Variants in SLC27A6 observed in about 807,000 individuals in gnomAD.
SLC27A6 encodes the protein long-chain fatty acid transport protein 6.
In SLC27A6, 74 loss-of-function variants were observed where a neutral mutation model predicts 63.9. The ratio of observed to expected loss-of-function variants is 1.16; its 90% CI spans 0.96 to 1.40. The LOEUF is 1.40. Among genes scored for constraint, SLC27A6 ranks in the 40% most tolerant of loss-of-function variants. SLC27A6 has a pLI of 0.00. For synonymous variants in SLC27A6, 287 were observed against 260.8 expected (o/e 1.10, Z -0.97); for missense variants, 794 against 732.9 (o/e 1.08, Z -0.96).
At chr5:129,017,711 A>G (rs2150150827) in intron 5 of SLC27A6, among the ~76,000 whole-genome samples, 1 of 152,306 alleles carries the variant, frequency 6.6e-6, no homozygotes, top group South Asian at 2.1e-4. Context: ...AAAAGAGGAT[A>G]TGTTGAATAA....
chr5:129,025,721 T>TATGATGATG (rs562276860), intron 6 of SLC27A6, among the ~76,000 whole-genome samples: 1 of 151,720 alleles, frequency 6.6e-6, no homozygotes, highest in African/African-American at 2.4e-5. Context: ...ATGGTGATGA[T>TATGATGATG]ATGATGATGA....
intron 1 of SLC27A6, among the ~76,000 whole-genome samples, chr5:128,984,240 A>G (rs1018745321): frequency 9.8e-5 from 15 of 152,316 alleles, no homozygotes; most frequent in Admixed American, 5.2e-4. Context: ...AAAAGACTGT[A>G]TAGGAATGAT....
intron 1 of SLC27A6, among the ~76,000 whole-genome samples, chr5:128,983,852 G>C (rs1256089965): frequency 6.6e-6 from 1 of 152,118 alleles, no homozygotes; most frequent in Admixed American, 6.5e-5. Flanking sequence ...TGTCAGCAGA[G>C]CCATGCTCCC....
At position 129,015,973 on chromosome 5, in the gene SLC27A6, G is replaced by A; in HGVS notation, c.1058G>A (p.Gly353Glu). 1 of 1,609,944 alleles carries A rather than the reference G, an allele frequency of 6.2e-7. No homozygotes were observed. The highest frequency in any genetic ancestry group is 8.5e-7 in the Non-Finnish European group (1 of 1,178,410). ...TGGAGAGAATTTTTAGACAGATTTGGAAATATAAAGGTGTGTGAACTTTAT... is the reference window on the plus strand; with the variant it reads ...TGGAGAGAATTTTTAGACAGATTTGAAAATATAAAGGTGTGTGAACTTTAT... ...DVWREFLDRFGNIKVCELYAA... is the reference protein window; with the variant it reads ...DVWREFLDRFENIKVCELYAA... The change falls in exon 5 of 10, where the codon GGA (glycine) becomes GAA (glutamate). Residue 353 changes from glycine (G) to glutamate (E), a missense_variant. Coordinates refer to ENST00000262462, the MANE Select transcript of SLC27A6 (RefSeq NM_001017372.3).
At chr5:129,031,449 G>A (rs1048369569) in intron 9 of SLC27A6, among the ~76,000 whole-genome samples, 1 of 151,774 alleles carries the variant, frequency 6.6e-6, no homozygotes, top group African/African-American at 2.4e-5. Flanking sequence ...AACGAACTTG[G>A]TCCTTTCATT....
At chr5:128,973,142 C>G (rs1247867422) in intron 1 of SLC27A6, among the ~76,000 whole-genome samples, 1 of 152,164 alleles carries the variant, frequency 6.6e-6, no homozygotes, top group Admixed American at 6.5e-5. Context: ...CCTCTGGAAG[C>G]TTGGTCTCAG....
chr5:129,002,856 C>T (rs1751387812), intron 4 of SLC27A6, among the ~76,000 whole-genome samples: 1 of 152,170 alleles, frequency 6.6e-6, no homozygotes, highest in African/African-American at 2.4e-5. Flanking sequence ...GGGGCTCAAG[C>T]ATGTTCTCTC....
chr5:128,995,323 C>CTCAT lies in SLC27A6; in HGVS notation c.969+4875_969+4878dup, dbSNP rs577300886. ...ACCATATATGTAACATATTCATTTC[C>CTCAT]TCATTCATTCATTCATTCAAGTAAT... On this transcript the variant is annotated intron_variant, in intron 4 of 9. Transcript: ENST00000262462. Among the ~76,000 whole-genome samples, 9 of 152,148 alleles carry CTCAT rather than the reference C, an allele frequency of 5.9e-5. No homozygotes were observed. The South Asian group carries it at 8.3e-4, about 14-fold the overall frequency.
chr5:128,972,875 T>C (rs1750232574), intron 1 of SLC27A6, among the ~76,000 whole-genome samples: 1 of 152,254 alleles, frequency 6.6e-6, no homozygotes, highest in Admixed American at 6.5e-5. Context: ...TTTCAGCTTT[T>C]CTGCTCTGGT....
chr5:128,994,574 A>G (rs1226701637), intron 4 of SLC27A6, among the ~76,000 whole-genome samples: 1 of 152,222 alleles, frequency 6.6e-6, no homozygotes, highest in African/African-American at 2.4e-5. Flanking sequence ...GAGCCAGAGA[A>G]TGAACACGTG....
chr5:129,017,106 A>G (rs1159138504), intron 5 of SLC27A6, among the ~76,000 whole-genome samples: 1 of 152,184 alleles, frequency 6.6e-6, no homozygotes, highest in African/African-American at 2.4e-5. Flanking sequence ...CCACTAATCG[A>G]CATATGAAAG....
At chr5:128,996,373 C>T (rs999335458) in intron 4 of SLC27A6, among the ~76,000 whole-genome samples, 2 of 152,110 alleles carry the variant, frequency 1.3e-5, no homozygotes, top group African/African-American at 2.4e-5. Flanking sequence ...AGCCAGAAAA[C>T]ATCCTTATGA....
rs766682242 is a variant in SLC27A6, at chr5:129,027,269, C to T, written c.1392C>T (p.Asp464=). 2.5e-6 allele frequency: 4 copies of T among 1,613,136 alleles called. No homozygotes were observed. The Admixed American group carries it at 6.7e-5, about 27-fold the overall frequency. The change falls in exon 7 of 10, where the codon GAC becomes GAT. Residue 464 remains aspartate, a synonymous_variant. Transcript: ENST00000262462. ...GAGATGTTTACCTTAATACTGGAGA[C>T]TTAATAGTCCAGGATCAGGACAATT... is the stretch of plus-strand genomic sequence containing the variant. The part of the protein sequence containing the change: ...KKGDVYLNTG[D]LIVQDQDNFL...
At chr5:129,027,452 C>A in intron 7 of SLC27A6, 121 bp downstream of exon 7, 1 of 706,824 alleles carries the variant, frequency 1.4e-6, no homozygotes, top group Non-Finnish European at 2.4e-6. Context: ...ATCTCCATGT[C>A]TCCTCATTAA....
chr5:129,023,920 T>A, intron 6 of SLC27A6, among the ~76,000 whole-genome samples: 1 of 152,142 alleles, frequency 6.6e-6, no homozygotes, highest in East Asian at 1.9e-4. Context: ...TTATAATACA[T>A]AATACAATGT....
At chr5:129,008,047 G>A (rs1411894724) in intron 4 of SLC27A6, among the ~76,000 whole-genome samples, 1 of 151,870 alleles carries the variant, frequency 6.6e-6, no homozygotes, top group Non-Finnish European at 1.5e-5. Context: ...TATTTATATA[G>A]TGAGATTATA....
intron 3 of SLC27A6, among the ~76,000 whole-genome samples, chr5:128,989,046 A>G (rs1422798449): frequency 6.6e-6 from 1 of 152,144 alleles, no homozygotes; most frequent in Non-Finnish European, 1.5e-5. Flanking sequence ...ACTACCCCAG[A>G]TTCCTCAAAT....
In SLC27A6 at chr5:128,966,197, G is replaced by A. The variant is rs1561605238; in HGVS notation, c.60G>A (p.Gln20=). 1 of 1,599,348 alleles carries A rather than the reference G, an allele frequency of 6.3e-7. No individual in the cohort carries two copies. Among genetic ancestry groups the A allele is most frequent in the Admixed American group, 1.7e-5 (1 of 57,690 alleles). ...GAGMVVLHFL[Q]KLLFPYFWDD... is the part of the protein sequence containing the mutation. ...GAATGGTCGTCCTGCACTTCTTGCA[G>A]AAACTCCTGTTCCCTTACTTTTGGG... Residue 20 remains glutamine (Q), a synonymous_variant, in exon 1 of 10, where the codon CAG becomes CAA. Transcript: ENST00000262462.
chr5:129,022,314 A>T (rs1752102060), intron 5 of SLC27A6, among the ~76,000 whole-genome samples: 1 of 152,222 alleles, frequency 6.6e-6, no homozygotes, highest in Non-Finnish European at 1.5e-5. Flanking sequence ...CACTTAGCAC[A>T]GTGTCCAGCA....
Sources: allele counts gnomAD v4.1 joint callset (sites outside exome capture counted in the v4.1 genomes callset), GRCh38; gene constraint gnomAD v4.1.1; transcripts MANE v1.5; gene names NCBI Gene and HGNC (gene_info 2026-07-23, HGNC 2026-07-21).